Variants in NASP observed in about 807,000 individuals in gnomAD.
NASP encodes the protein NASP histone chaperone.
NASP carries 24 observed loss-of-function variants against 89.5 expected under a neutral mutation model. That is an observed-to-expected ratio of 0.27 (90% CI 0.19 to 0.38). The LOEUF (loss-of-function observed/expected upper bound fraction) is 0.38, where lower values mean the gene tolerates loss of function less well. NASP is among the 10% of genes least tolerant of loss of function. NASP has a pLI of 1.00. For missense variants in NASP, 848 were observed against 921.4 expected (o/e 0.92, Z 1.03); for synonymous variants, 306 against 324.7 (o/e 0.94, Z 0.62).
At chr1:45,613,085 A>G (rs912493539) in intron 6 of NASP, 84 bp from the exon 7 acceptor site, 18 of 1,492,958 alleles carry the variant, frequency 1.2e-5, no homozygotes, top group African/African-American at 8.5e-5. Flanking sequence ...ATCTGAATAT[A>G]GGTTGAGACG....
intron 9 of NASP, 110 bp from the exon 10 acceptor site, chr1:45,614,902 CA>C: frequency 2.1e-6 from 2 of 966,240 alleles, no homozygotes; most frequent in Non-Finnish European, 3.0e-6. Flanking sequence ...TAACTATAAA[CA>C]AAAATGGAAT....
Position 45,617,548 on chromosome 1 carries a change from C to T in NASP, c.2243C>T (p.Ala748Val). The T allele has an allele frequency of 1.2e-6, 2 of 1,606,592 alleles. No homozygotes were observed. Among genetic ancestry groups the T allele is most frequent in the African/African-American group, 1.3e-5 (1 of 74,352 alleles). ...GAGGTGAACGGAGGCAGTGGGGATG[C>T]TGTCCCCAGTGGAAATGAAGTTTCG... The part of the protein sequence containing the change: ...EPEVNGGSGD[A>V]VPSGNEVSEN... Residue 748 changes from alanine to valine, a missense_variant, in exon 14 of 15, where the codon GCT (alanine) becomes GTT (valine). Ala to Val is a moderately conservative substitution (Grantham distance 64). This residue lies in a region of NASP where 218 missense variants were observed against 219.6 expected (regional missense o/e 0.99). Transcript: ENST00000350030.
Position 45,607,659 on chromosome 1 carries a change from G to A in NASP, c.748G>A (p.Val250Ile), listed in dbSNP as rs780732612. 6 of 1,614,190 alleles carry A rather than the reference G, an allele frequency of 3.7e-6. No homozygotes were observed. The highest frequency in any genetic ancestry group is 1.6e-4 in the Middle Eastern group (1 of 6,062). ...AGAAAAATCAGTTTCTGGAACTGAT[G>A]TCCAAGAAGAGTGCAGAGAAAAAGG... Reference protein sequence around the residue: ...EEEKSVSGTDVQEECREKGGQ... With the variant: ...EEEKSVSGTDIQEECREKGGQ... Residue 250 changes from valine to isoleucine, a missense_variant, in exon 6 of 15, where the codon GTC (valine) becomes ATC (isoleucine). By Grantham distance (29) the Val-to-Ile change is conservative. This residue lies in a region of NASP where 464 missense variants were observed against 469.4 expected (regional missense o/e 0.99). Transcript: ENST00000350030.
intron 7 of NASP, 35 bp from the exon 8 acceptor site, chr1:45,614,061 G>T (rs751156579): frequency 7.0e-7 from 1 of 1,434,432 alleles, no homozygotes; most frequent in Non-Finnish European, 9.7e-7. Context: ...ATTTGAAAAA[G>T]ATGCCTATCT....
At chr1:45,608,479 T>A (rs1159653648) in intron 6 of NASP, 142 bp downstream of exon 6, 1 of 819,732 alleles carries the variant, frequency 1.2e-6, no homozygotes, top group African/African-American at 1.7e-5. Flanking sequence ...GGGGGGTAGT[T>A]TAACAAGGTC....
intron 5 of NASP, 90 bp from the exon 6 acceptor site, chr1:45,607,231 G>A: frequency 7.4e-7 from 1 of 1,355,860 alleles, no homozygotes; most frequent in South Asian, 1.4e-5. Context: ...CTTTTTGAGG[G>A]TTTAAAGGGA....
At chr1:45,598,329 C>T (rs556666473) in intron 2 of NASP, among the ~76,000 whole-genome samples, 2 of 152,248 alleles carry the variant, frequency 1.3e-5, no homozygotes, top group South Asian at 4.1e-4. Context: ...CACCACCATG[C>T]CCGGCTAATT....
At chr1:45,594,214 A>C (rs1643631739) in intron 2 of NASP, among the ~76,000 whole-genome samples, 1 of 151,950 alleles carries the variant, frequency 6.6e-6, no homozygotes, top group Admixed American at 6.6e-5. Flanking sequence ...CTGTAATTCC[A>C]GCTACTTGGG....
At chr1:45,602,979 T>C (rs1643871173) in intron 3 of NASP, among the ~76,000 whole-genome samples, 3 of 152,214 alleles carry the variant, frequency 2.0e-5, no homozygotes, top group South Asian at 2.1e-4. Flanking sequence ...GTGGAAACTC[T>C]TTAGGTCCAA....
intron 1 of NASP, chr1:45,588,816 C>T: frequency 3.8e-6 from 1 of 264,198 alleles, no homozygotes; most frequent in Admixed American, 5.1e-5. Context: ...ACTTGAGAAG[C>T]TGACGCAGGA....
At chr1:45,602,414 C>G in intron 3 of NASP, 49 bp downstream of exon 3, 1 of 1,522,716 alleles carries the variant, frequency 6.6e-7, no homozygotes, top group Non-Finnish European at 8.9e-7. Flanking sequence ...TCTAATAAAC[C>G]TTGAGTTATC....
intron 1 of NASP, among the ~76,000 whole-genome samples, chr1:45,585,829 C>A (rs893950472): frequency 2.0e-5 from 3 of 152,150 alleles, no homozygotes; most frequent in Non-Finnish European, 2.9e-5. Flanking sequence ...TTTGTAGATA[C>A]AAGGTCTTAA....
chr1:45,614,401 C>T (rs755667321), intron 9 of NASP, 35 bp downstream of exon 9: 31 of 1,479,512 alleles, frequency 2.1e-5, no homozygotes, highest in Admixed American at 6.7e-5. Flanking sequence ...CTCCTACTCT[C>T]TTCAGCTCCC....
chr1:45,607,179 G>C (rs1165141577), intron 5 of NASP, 142 bp from the exon 6 acceptor site: 1 of 821,990 alleles, frequency 1.2e-6, no homozygotes, highest in Admixed American at 2.9e-5. Context: ...CTTTTCTCTA[G>C]GGGGCAGATA....
chr1:45,618,172 G>A lies in NASP; in HGVS notation c.*31G>A. The A allele has an allele frequency of 6.6e-7, 1 of 1,526,510 alleles. No individual in the cohort carries two copies. Among genetic ancestry groups the A allele is most frequent in the Non-Finnish European group, 8.9e-7 (1 of 1,123,170 alleles). 94.6% of individuals were successfully genotyped at this position (1,526,510 alleles called of 1,614,324 possible). On this transcript the variant is annotated 3_prime_UTR_variant, in exon 15 of 15. Coordinates refer to ENST00000350030, the MANE Select transcript of NASP (RefSeq NM_002482.4). Reference sequence around the variant, plus strand: ...GGCACAGCCCTCCTCCCAAGGGAAAGTGTTTTTGTATATAATGTATTTTTT... The same window carrying A: ...GGCACAGCCCTCCTCCCAAGGGAAAATGTTTTTGTATATAATGTATTTTTT...
At chr1:45,600,479 A>G (rs777786879) in intron 2 of NASP, 20 of 1,147,082 alleles carry the variant, frequency 1.7e-5, no homozygotes, top group African/African-American at 5.0e-5. Context: ...TTCTTTTTGT[A>G]TAGTTTCTTT....
chr1:45,614,896 T>C, intron 9 of NASP, 117 bp from the exon 10 acceptor site: 1 of 922,164 alleles, frequency 1.1e-6, no homozygotes, highest in East Asian at 2.7e-5. Flanking sequence ...TGGAAATAAC[T>C]ATAAACAAAA....
At chr1:45,609,569 A>C (rs1643967823) in intron 6 of NASP, 1 of 152,248 alleles carries the variant, frequency 6.6e-6, no homozygotes, top group Non-Finnish European at 1.5e-5. Flanking sequence ...GATTGTGAGC[A>C]AGGATGGTAA....
chr1:45,607,832 G>C lies in NASP; in HGVS notation c.921G>C (p.Val307=). 1 of 1,614,196 alleles carries C rather than the reference G, an allele frequency of 6.2e-7. No homozygotes were observed. Among genetic ancestry groups the C allele is most frequent in the South Asian group, 1.1e-5 (1 of 91,080 alleles). ...AESLDPTVKP[V]DVGGDEPEEK... is the part of the protein sequence containing the mutation. ...CTTTAGACCCGACAGTCAAGCCAGT[G>C]GATGTGGGTGGGGACGAGCCAGAGG... The change falls in exon 6 of 15, where the codon GTG becomes GTC. Residue 307 remains valine (V), a synonymous_variant. Coordinates refer to ENST00000350030, the MANE Select transcript of NASP (RefSeq NM_002482.4).
Sources: allele counts gnomAD v4.1 joint callset (sites outside exome capture counted in the v4.1 genomes callset), GRCh38; gene constraint gnomAD v4.1.1; regional missense constraint gnomAD v4.1.1; transcripts MANE v1.5; gene names NCBI Gene and HGNC (gene_info 2026-07-23, HGNC 2026-07-21).